Variants in ANK2 observed in about 807,000 individuals in gnomAD.
The protein encoded by ANK2 is ankyrin 2.
A neutral mutation model predicts 360.5 loss-of-function variants in ANK2; 83 were observed. The observed-to-expected ratio is 0.23, with a 90% confidence interval of 0.19 to 0.28. The LOEUF is 0.28. Ranked by LOEUF, ANK2 falls within the 10% of genes least tolerant of loss-of-function variation. The probability of loss-of-function intolerance (pLI) is 1.00; values close to 1 mark genes in which losing one functional copy is unlikely to be tolerated. For missense variants in ANK2, 4,201 were observed against 4,795.7 expected (o/e 0.88, Z 3.66); for synonymous variants, 1,740 against 1,759.5 (o/e 0.99, Z 0.28).
chr4:113,264,920 G>T lies in ANK2; in HGVS notation c.1410G>T (p.Met470Ile). ...TNIRGETALH[M>I]AARAGQVEVV... ...AGCGTGGTGAGACGGCACTACACAT[G>T]GCAGCCCGAGCCGGGCAGGTGGAAG... The change falls in exon 14 of 46, where the codon ATG becomes ATT. Residue 470 changes from methionine (M) to isoleucine (I), a missense_variant. Physicochemically the swap from Met to Ile is conservative, Grantham distance 10 (BLOSUM62 1). Transcript: ENST00000357077. 1 of 1,566,732 alleles carries T rather than the reference G, an allele frequency of 6.4e-7. No individual in the cohort carries two copies. The highest frequency in any genetic ancestry group is 2.3e-5 in the East Asian group (1 of 42,642).
intron 1 of ANK2, among the ~76,000 whole-genome samples, chr4:113,074,854 A>G (rs1011004467): frequency 2.0e-5 from 3 of 152,252 alleles, no homozygotes; most frequent in Non-Finnish European, 4.4e-5. Context: ...TACGTTTATG[A>G]AGTAATGAGA....
At chr4:113,260,489 A>T (rs1023642021) in intron 13 of ANK2, among the ~76,000 whole-genome samples, 1 of 152,154 alleles carries the variant, frequency 6.6e-6, no homozygotes, top group Non-Finnish European at 1.5e-5. Flanking sequence ...GGCACATGCC[A>T]ATATAATTTC....
At chr4:112,957,730 C>G (rs62317099) in intron 2 of ANK2, among the ~76,000 whole-genome samples, 9 of 150,594 alleles carry the variant, frequency 6.0e-5, no homozygotes, top group African/African-American at 1.7e-4. Context: ...GGGTGGCTGC[C>G]GGGCGGAGAC....
chr4:112,941,931 A>G (rs1040678172), intron 2 of ANK2, among the ~76,000 whole-genome samples: 9 of 151,062 alleles, frequency 6.0e-5, no homozygotes, highest in African/African-American at 2.2e-4. Flanking sequence ...TAAGGTTGTT[A>G]TAAAGATTAA....
In ANK2 at chr4:113,336,702, C is replaced by G; in HGVS notation, c.3717C>G (p.Val1239=). 7 of 1,614,112 alleles carry G rather than the reference C, an allele frequency of 4.3e-6. No homozygotes were observed. In the South Asian group the frequency reaches 7.7e-5, roughly 18 times the overall value. ...FHKPITMTIP[V]PKASSDVMLN... is the part of the protein sequence containing the mutation. ...AACCAATTACCATGACCATTCCTGT[C>G]CCCAAAGCTTCAAGTGATGTCATGT... The change falls in exon 31 of 46, where the codon GTC becomes GTG. Residue 1239 remains valine, a synonymous_variant. Transcript: ENST00000357077.
the ANK2 span, among the ~76,000 whole-genome samples, chr4:112,705,641 C>G: frequency 6.6e-6 from 1 of 152,256 alleles, no homozygotes; most frequent in African/African-American, 2.4e-5. Flanking sequence ...GCGGGAGCGC[C>G]CGCGGAGGAG....
In ANK2 at chr4:113,298,533, T is replaced by A. The variant is rs187273527; in HGVS notation, c.2476-4234T>A. ...GAACAAATCAGATATTGACTACTAT[T>A]TGTAAAGCAGAATGTTAAGAACTCC... On this transcript the variant is annotated intron_variant, in intron 22 of 45. Transcript: ENST00000357077. 1.7e-4 allele frequency among the ~76,000 whole-genome samples: 26 copies of A among 152,334 alleles called. No homozygotes were observed. The East Asian group carries it at 4.8e-3, about 28-fold the overall frequency.
At chr4:112,992,678 G>A (rs2047214621) in intron 2 of ANK2, among the ~76,000 whole-genome samples, 1 of 152,130 alleles carries the variant, frequency 6.6e-6, no homozygotes. Flanking sequence ...CAAGCTCTTG[G>A]TGTCTCGTCT....
At chr4:112,992,436 G>A (rs567498155) in intron 2 of ANK2, among the ~76,000 whole-genome samples, 2 of 152,234 alleles carry the variant, frequency 1.3e-5, no homozygotes, top group South Asian at 2.1e-4. Context: ...GAGCCACAAC[G>A]CCTGGCCTAC....
At chr4:113,378,032 T>C in intron 45 of ANK2, 1 of 659,676 alleles carries the variant, frequency 1.5e-6, no homozygotes, top group East Asian at 6.6e-5. Context: ...AAGCAATAGA[T>C]TGTTTGAAAG....
chr4:113,319,616 A>C (rs910985783), intron 26 of ANK2, among the ~76,000 whole-genome samples: 1 of 152,008 alleles, frequency 6.6e-6, no homozygotes, highest in East Asian at 1.9e-4. Context: ...AGACTTCTTC[A>C]ACTAATCTTA....
chr4:112,864,003 A>T (rs894253151), intron 1 of ANK2, among the ~76,000 whole-genome samples: 2 of 152,224 alleles, frequency 1.3e-5, no homozygotes, highest in Non-Finnish European at 2.9e-5. Context: ...GGAATTTCTG[A>T]GAGGCTTACA....
At chr4:112,755,248 C>T in the ANK2 span, among the ~76,000 whole-genome samples, 1 of 152,152 alleles carries the variant, frequency 6.6e-6, no homozygotes. Context: ...TTTCACTGTC[C>T]TGCCACACAC....
At chr4:113,118,615 T>C (rs939070285) in intron 1 of ANK2, among the ~76,000 whole-genome samples, 3 of 152,188 alleles carry the variant, frequency 2.0e-5, no homozygotes, top group Admixed American at 6.6e-5. Flanking sequence ...ATATAATGAT[T>C]TCCCTTCTGG....
the ANK2 span, among the ~76,000 whole-genome samples, chr4:112,716,468 G>T: frequency 6.6e-6 from 1 of 152,000 alleles, no homozygotes; most frequent in African/African-American, 2.4e-5. Context: ...AAATACTATA[G>T]GTGTATATGC....
the ANK2 span, among the ~76,000 whole-genome samples, chr4:112,777,712 G>A: frequency 6.7e-6 from 1 of 149,868 alleles, no homozygotes; most frequent in Non-Finnish European, 1.5e-5. Context: ...CCACCTCCCA[G>A]GTTCAACCGA....
At chr4:112,794,254 GATGTCTT>G in the ANK2 span, among the ~76,000 whole-genome samples, 6 of 152,272 alleles carry the variant, frequency 3.9e-5, no homozygotes, top group South Asian at 1.2e-3. Context: ...TTCTAACTTG[GATGTCTT>G]ATAAAATTTG....
intron 1 of ANK2, among the ~76,000 whole-genome samples, chr4:113,088,617 T>C (rs867642095): frequency 6.6e-6 from 1 of 152,154 alleles, no homozygotes; most frequent in Admixed American, 6.5e-5. Flanking sequence ...AAATGTTATT[T>C]AGAAAAGGAC....
chr4:113,219,228 T>C (rs555514125), intron 4 of ANK2, among the ~76,000 whole-genome samples: 6 of 152,252 alleles, frequency 3.9e-5, no homozygotes, highest in Non-Finnish European at 7.4e-5. Context: ...TAAGGAAATC[T>C]ACCAGGGAAT....
Sources: gnomAD v4.1 joint callset for allele counts (sites outside exome capture counted in the v4.1 genomes callset) on GRCh38, gnomAD v4.1.1 for gene constraint, MANE v1.5 for transcripts, NCBI Gene and HGNC (gene_info 2026-07-23, HGNC 2026-07-21) for gene names.